Variants in FBXL17 observed in about 807,000 individuals in gnomAD.
The protein encoded by FBXL17 is F-box/LRR-repeat protein 17.
A neutral mutation model predicts 66.2 loss-of-function variants in FBXL17; 22 were observed. The ratio of observed to expected loss-of-function variants is 0.33; its 90% CI spans 0.24 to 0.47. The LOEUF (loss-of-function observed/expected upper bound fraction) is 0.47. FBXL17 is among the 20% of genes least tolerant of loss of function. FBXL17 has a pLI of 1.00. For missense variants in FBXL17, 878 were observed against 948.2 expected, an observed-to-expected ratio of 0.93 and a Z score of 0.97; for synonymous variants, 474 against 400.5, an observed-to-expected ratio of 1.18 and a Z score of -2.19.
At chr5:108,055,671 C>T (rs1168259595) in intron 6 of FBXL17, among the ~76,000 whole-genome samples, 1 of 146,262 alleles carries the variant, frequency 6.8e-6, no homozygotes, top group South Asian at 2.2e-4. Flanking sequence ...GTTCCACATG[C>T]TTGTAAAATA....
chr5:108,136,504 C>G (rs770447469), intron 6 of FBXL17, among the ~76,000 whole-genome samples: 10 of 152,052 alleles, frequency 6.6e-5, no homozygotes, highest in Admixed American at 1.3e-4. Flanking sequence ...GTTTTTCTTG[C>G]TCAGTCAAGC....
chr5:108,349,554 A>G (rs2112482217), intron 3 of FBXL17, among the ~76,000 whole-genome samples: 1 of 152,338 alleles, frequency 6.6e-6, no homozygotes, highest in East Asian at 1.9e-4. Context: ...CACTACAACC[A>G]ATAACATATT....
intron 4 of FBXL17, among the ~76,000 whole-genome samples, chr5:108,337,681 G>A (rs935801208): frequency 7.1e-6 from 1 of 140,842 alleles, no homozygotes; most frequent in African/African-American, 2.6e-5. Flanking sequence ...GAAAGAAGAA[G>A]AGTGATAAAA....
At position 108,262,298 on chromosome 5, in the gene FBXL17, C is replaced by G. The variant is rs573665077; in HGVS notation, c.1507-38070G>C. Among the ~76,000 whole-genome samples the G allele has an allele frequency of 4.7e-3, 711 of 151,572 alleles. 2 individuals carry two copies. Among genetic ancestry groups the G allele is most frequent in the South Asian group, 8.6e-3 (41 of 4,782 alleles). On this transcript the variant is annotated intron_variant, in intron 4 of 8. Transcript: ENST00000542267. ...TTCACCATGTTAGCCAGGATGGTCT[C>G]GATCTCCTGACCTCATGATCCACCC...
chr5:108,350,139 T>C (rs536436309), intron 3 of FBXL17, among the ~76,000 whole-genome samples: 14 of 152,308 alleles, frequency 9.2e-5, no homozygotes, highest in African/African-American at 2.4e-4. Context: ...AAGAAGTCTA[T>C]TGAAGAACTC....
intron 4 of FBXL17, among the ~76,000 whole-genome samples, chr5:108,258,332 AT>A (rs2150122344): frequency 6.6e-6 from 1 of 152,288 alleles, no homozygotes; most frequent in Non-Finnish European, 1.5e-5. Context: ...TTCTGAGAAA[AT>A]AAATTTCTGT....
At chr5:108,088,581 G>T (rs1341754754) in intron 6 of FBXL17, among the ~76,000 whole-genome samples, 1 of 151,708 alleles carries the variant, frequency 6.6e-6, no homozygotes, top group Non-Finnish European at 1.5e-5. Context: ...CGCACCTGTA[G>T]TCTCAGCTAC....
intron 4 of FBXL17, among the ~76,000 whole-genome samples, chr5:108,265,042 G>T (rs1386552580): frequency 2.0e-5 from 3 of 151,836 alleles, no homozygotes; most frequent in Non-Finnish European, 4.4e-5. Context: ...ATATTGTCAA[G>T]AATACAAAAA....
At chr5:108,068,989 T>C (rs115715498) in intron 6 of FBXL17, among the ~76,000 whole-genome samples, 1 of 152,208 alleles carries the variant, frequency 6.6e-6, no homozygotes. Context: ...TTAGAGAACA[T>C]CTTATTTGGC....
At chr5:108,298,385 CCAGT>C (rs1289840201) in intron 4 of FBXL17, 4 of 980,784 alleles carry the variant, frequency 4.1e-6, no homozygotes, top group East Asian at 1.1e-4. Flanking sequence ...TTCTACTCCA[CCAGT>C]CAAAGAAGAT....
At chr5:108,236,982 T>G (rs1317349228) in intron 4 of FBXL17, among the ~76,000 whole-genome samples, 1 of 152,120 alleles carries the variant, frequency 6.6e-6, no homozygotes, top group Non-Finnish European at 1.5e-5. Context: ...GTGGAATAGT[T>G]TGGTTGTCTG....
intron 7 of FBXL17, among the ~76,000 whole-genome samples, chr5:107,980,089 C>T (rs952567192): frequency 2.0e-5 from 3 of 152,026 alleles, no homozygotes; most frequent in African/African-American, 2.4e-5. Flanking sequence ...ATGTGGCTTT[C>T]GAATGAGCTA....
chr5:107,860,399 G>T lies in FBXL17; in HGVS notation c.*1321C>A, dbSNP rs1248953028. The T allele has an allele frequency of 6.6e-6, 1 of 152,580 alleles. No individual in the cohort carries two copies. Among genetic ancestry groups the T allele is most frequent in the East Asian group, 1.9e-4 (1 of 5,194 alleles). 9.5% of individuals were successfully genotyped at this position (152,580 alleles called of 1,614,324 possible). ...CCCTGATGTCCTCATTATAAATCTA[G>T]ACACAGGAACAGTTATTTGAGCCTG... On this transcript the variant is annotated 3_prime_UTR_variant, in exon 9 of 9. Transcript: ENST00000542267.
At chr5:108,310,293 A>T (rs1181606544) in intron 4 of FBXL17, among the ~76,000 whole-genome samples, 1 of 152,184 alleles carries the variant, frequency 6.6e-6, no homozygotes, top group Non-Finnish European at 1.5e-5. Flanking sequence ...TACTATCCAC[A>T]TATCCTGACC....
intron 7 of FBXL17, among the ~76,000 whole-genome samples, chr5:107,946,258 TATATATATATA>T (rs1561333365): frequency 0.011 from 232 of 21,990 alleles, 6 homozygotes; most frequent in Non-Finnish European, 0.015. Context: ...TCTCATTTTA[TATATATATATA>T]TATATATATA....
chr5:108,206,988 G>A lies in FBXL17; in HGVS notation c.1614+17133C>T, dbSNP rs571045575. Among the ~76,000 whole-genome samples the A allele has an allele frequency of 1.1e-4, 16 of 152,244 alleles. No homozygotes were observed. In the East Asian group the frequency reaches 2.9e-3, roughly 28 times the overall value. On this transcript the variant is annotated intron_variant, in intron 5 of 8. Transcript: ENST00000542267. ...TTGGACCATTTTACATTCTCACAAT[G>A]TGTAAAATTGGACCACAAGTATGTG...
chr5:108,201,447 T>C (rs1038481054), intron 5 of FBXL17, among the ~76,000 whole-genome samples: 1 of 152,070 alleles, frequency 6.6e-6, no homozygotes, highest in African/African-American at 2.4e-5. Flanking sequence ...GATAGTTTAA[T>C]TAATTAAAAA....
intron 1 of FBXL17, among the ~76,000 whole-genome samples, chr5:108,369,858 A>C (rs1472431822): frequency 1.3e-5 from 2 of 152,212 alleles, no homozygotes; most frequent in Non-Finnish European, 2.9e-5. Context: ...GAATTATTAA[A>C]TAAGATTAAA....
intron 6 of FBXL17, among the ~76,000 whole-genome samples, chr5:108,126,156 T>C (rs996724634): frequency 2.0e-5 from 3 of 152,106 alleles, no homozygotes; most frequent in Admixed American, 6.6e-5. Flanking sequence ...GCCCTGCTAA[T>C]AGCACATGGC....
Sources: allele counts gnomAD v4.1 joint callset (sites outside exome capture counted in the v4.1 genomes callset), GRCh38; gene constraint gnomAD v4.1.1; transcripts MANE v1.5; gene names NCBI Gene and HGNC (gene_info 2026-07-23, HGNC 2026-07-21).